The following APBA2 variants were observed in gnomAD, a reference collection of about 807,000 sequenced individuals.
APBA2 encodes amyloid beta precursor protein binding family A member 2.
In APBA2, 30 loss-of-function variants were observed where a neutral mutation model predicts 75.0. The observed-to-expected ratio is 0.40, with a 90% CI of 0.30 to 0.54. The LOEUF (loss-of-function observed/expected upper bound fraction) is 0.54. Among genes scored for constraint, APBA2 ranks in the 20% least tolerant of loss-of-function variants. APBA2 has a pLI of 0.49. For missense variants in APBA2, 801 were observed against 1,016.1 expected (o/e 0.79, Z 2.88); for synonymous variants, 444 against 409.6 (o/e 1.08, Z -1.01).
chr15:29,103,609 C>A (rs1462953470), intron 10 of APBA2, among the ~76,000 whole-genome samples: 1 of 152,202 alleles, frequency 6.6e-6, no homozygotes, highest in African/African-American at 2.4e-5. Context: ...CGCAGCCCCG[C>A]GGAGCCGGCT....
intron 13 of APBA2, 120 bp downstream of exon 13, chr15:29,108,509 G>C: frequency 2.6e-6 from 4 of 1,530,876 alleles, no homozygotes; most frequent in Non-Finnish European, 3.6e-6. Context: ...GCCTGTGGTT[G>C]CAGCTGCCCA....
chr15:29,079,435 G>A (rs1242248285), intron 6 of APBA2, among the ~76,000 whole-genome samples: 3 of 152,156 alleles, frequency 2.0e-5, no homozygotes, highest in East Asian at 3.9e-4. Flanking sequence ...ATATCTAGTT[G>A]AACCTTACTT....
chr15:28,927,583 ATTATTTTTTTATTT>A (rs2034338476), intron 2 of APBA2, among the ~76,000 whole-genome samples: 1 of 150,984 alleles, frequency 6.6e-6, no homozygotes, highest in South Asian at 2.1e-4. Flanking sequence ...ACCCATTATT[ATTATTTTTTTATTT>A]TTATTTTTTT....
intron 2 of APBA2, among the ~76,000 whole-genome samples, chr15:28,926,363 T>C (rs933989038): frequency 1.3e-5 from 2 of 152,196 alleles, no homozygotes; most frequent in Non-Finnish European, 2.9e-5. Flanking sequence ...ACAATATGTA[T>C]TTCAAAATAA....
chr15:29,015,842 T>C (rs1192017565), intron 3 of APBA2, among the ~76,000 whole-genome samples: 1 of 152,182 alleles, frequency 6.6e-6, no homozygotes, highest in Admixed American at 6.5e-5. Context: ...CCACCAGCCA[T>C]GTGACCCGGG....
At chr15:28,941,733 TC>T (rs2035239358) in intron 2 of APBA2, among the ~76,000 whole-genome samples, 2 of 152,180 alleles carry the variant, frequency 1.3e-5, no homozygotes, top group Non-Finnish European at 2.9e-5. Flanking sequence ...AAAGGTTGTT[TC>T]ATAGCCGTTT....
chr15:29,116,746 T>C lies in APBA2; in HGVS notation c.2179-316T>C, dbSNP rs187588222. On this transcript the variant is annotated intron_variant, in intron 14 of 14. Transcript: ENST00000683413. The stretch of plus-strand genomic sequence containing the variant: ...CCTGGCCACCCCCAGCCAGCCCCAG[T>C]GGATGGGCAAACTGTTGTCACCACT... Among the ~76,000 whole-genome samples the C allele has an allele frequency of 4.6e-5, 7 of 152,198 alleles. No homozygotes were observed. The East Asian group carries it at 1.4e-3, about 30-fold the overall frequency.
chr15:28,951,512 C>T (rs2035871065), intron 2 of APBA2, among the ~76,000 whole-genome samples: 1 of 152,212 alleles, frequency 6.6e-6, no homozygotes, highest in Admixed American at 6.5e-5. Flanking sequence ...CTTCCAGGCC[C>T]TCTCAGCAGA....
chr15:28,947,743 T>C (rs1285833880), intron 2 of APBA2, among the ~76,000 whole-genome samples: 1 of 152,166 alleles, frequency 6.6e-6, no homozygotes, highest in African/African-American at 2.4e-5. Flanking sequence ...CTCTAGAGAC[T>C]CAAACCACCT....
chr15:29,085,702 C>T lies in APBA2; in HGVS notation c.1070-7373C>T, dbSNP rs570301607. Among the ~76,000 whole-genome samples, 25 of 152,154 alleles carry T rather than the reference C, an allele frequency of 1.6e-4. No individual in the cohort carries two copies. In the East Asian group the frequency reaches 4.6e-3, roughly 28 times the overall value. On this transcript the variant is annotated intron_variant, in intron 6 of 14. Coordinates refer to ENST00000683413, the MANE Select transcript of APBA2 (RefSeq NM_001353788.2). Reference sequence around the variant, plus strand: ...CTTCTTTAGGTTGTTTTCTGAGTCCCGTCAATGTGAACCCAGTAGTCTTTG... The same window carrying T: ...CTTCTTTAGGTTGTTTTCTGAGTCCTGTCAATGTGAACCCAGTAGTCTTTG...
At chr15:28,892,085 G>A (rs2032167076) in intron 1 of APBA2, among the ~76,000 whole-genome samples, 2 of 151,562 alleles carry the variant, frequency 1.3e-5, no homozygotes, top group Admixed American at 1.3e-4. Context: ...ATATATATAT[G>A]TTTTTTTGAG....
intron 8 of APBA2, among the ~76,000 whole-genome samples, chr15:29,097,360 G>A (rs557657683): frequency 1.3e-5 from 2 of 152,358 alleles, no homozygotes; most frequent in South Asian, 4.1e-4. Flanking sequence ...TCAAGCTCCC[G>A]GGGGCTGGCC....
intron 3 of APBA2, among the ~76,000 whole-genome samples, chr15:29,010,496 G>A (rs1374989103): frequency 6.6e-6 from 1 of 152,132 alleles, no homozygotes; most frequent in African/African-American, 2.4e-5. Context: ...CTGACCTCGT[G>A]ATCCGCCCAA....
intron 3 of APBA2, among the ~76,000 whole-genome samples, chr15:29,021,831 C>T (rs2039971670): frequency 6.6e-6 from 1 of 152,084 alleles, no homozygotes; most frequent in African/African-American, 2.4e-5. Flanking sequence ...TGGAAACCCC[C>T]ATTCTACTCT....
rs114179727 is a variant in APBA2 at position 29,100,845 on chromosome 15, C to G, written c.1339-754C>G. 6.6e-3 allele frequency among the ~76,000 whole-genome samples: 1,012 copies of G among 152,320 alleles called. 14 individuals carry two copies. The highest frequency in any genetic ancestry group is 0.023 in the African/African-American group (949 of 41,570). ...TTTCACTATATGGCAAGCCCCTGCTCCAGCAGAGACAGCCCGAGAGCTCAC... is the reference window on the plus strand; with the variant it reads ...TTTCACTATATGGCAAGCCCCTGCTGCAGCAGAGACAGCCCGAGAGCTCAC... On this transcript the variant is annotated intron_variant, in intron 9 of 14. Transcript: ENST00000683413.
At chr15:28,892,754 G>A (rs1354125477) in intron 1 of APBA2, among the ~76,000 whole-genome samples, 1 of 151,118 alleles carries the variant, frequency 6.6e-6, no homozygotes, top group Non-Finnish European at 1.5e-5. Flanking sequence ...TCTCCAGCAG[G>A]GCAGCTGTAA....
chr15:29,041,777 T>C (rs955803489), intron 3 of APBA2, among the ~76,000 whole-genome samples: 23 of 152,180 alleles, frequency 1.5e-4, no homozygotes, highest in Non-Finnish European at 2.9e-4. Context: ...TTCTAAAATT[T>C]ATATAGAAAA....
At position 29,053,907 on chromosome 15, in the gene APBA2, G is replaced by A; in HGVS notation, c.23G>A (p.Ser8Asn). ...GCCATGGCCCACCGGAAGCTTGAGA[G>A]CGTGGGGAGCGGCATGTTGGACCAT... is the stretch of plus-strand genomic sequence containing the variant. The part of the protein sequence containing the change: MAHRKLE[S>N]VGSGMLDHRV... Residue 8 changes from serine to asparagine, a missense_variant, in exon 4 of 15, where the codon AGC becomes AAC. Coordinates refer to ENST00000683413, the MANE Select transcript of APBA2 (RefSeq NM_001353788.2). 1.9e-6 allele frequency: 3 copies of A among 1,612,492 alleles called. No homozygotes were observed. The highest frequency in any genetic ancestry group is 2.5e-6 in the Non-Finnish European group (3 of 1,178,770).
chr15:29,061,236 C>T (rs1326517268), intron 4 of APBA2, among the ~76,000 whole-genome samples: 1 of 152,154 alleles, frequency 6.6e-6, no homozygotes, highest in African/African-American at 2.4e-5. Flanking sequence ...CCACCTGTTA[C>T]CTTGTGACGT....
Sources: gnomAD v4.1 joint callset for allele counts (sites outside exome capture counted in the v4.1 genomes callset) on GRCh38, gnomAD v4.1.1 for gene constraint, MANE v1.5 for transcripts, NCBI Gene and HGNC (gene_info 2026-07-23, HGNC 2026-07-21) for gene names.